Variants in GPHN observed in about 807,000 individuals in gnomAD.
The protein encoded by GPHN is gephyrin.
In GPHN, 17 loss-of-function variants were observed where a neutral mutation model predicts 95.5. The ratio of observed to expected loss-of-function variants is 0.18; its 90% confidence interval spans 0.12 to 0.27. The LOEUF (loss-of-function observed/expected upper bound fraction) is 0.27. Among genes scored for constraint, GPHN ranks in the 10% least tolerant of loss-of-function variants. The probability of loss-of-function intolerance (pLI) is 1.00; values close to 1 mark genes in which losing one functional copy is unlikely to be tolerated. For missense variants in GPHN, 660 were observed against 978.1 expected (o/e 0.67, Z 4.34); for synonymous variants, 320 against 322.5 (o/e 0.99, Z 0.08).
chr14:67,469,594 C>T, the GPHN span, among the ~76,000 whole-genome samples: 2 of 151,684 alleles, frequency 1.3e-5, no homozygotes, highest in Non-Finnish European at 2.9e-5. Context: ...CCTGACTGAG[C>T]AACTTCTGAA....
At chr14:67,340,512 A>G in the GPHN span, 1 of 1,590,502 alleles carries the variant, frequency 6.3e-7, no homozygotes, top group Non-Finnish European at 8.5e-7. Flanking sequence ...AATCCGGGGA[A>G]TGATGACTAG....
Position 66,745,984 on chromosome 14 carries a change from G to T in GPHN, c.144-30480G>T, listed in dbSNP as rs922235790. On this transcript the variant is annotated intron_variant, in intron 2 of 22. Coordinates refer to ENST00000478722, the MANE Select transcript of GPHN (RefSeq NM_020806.5). ...GCTTCTCTCAGAGTAGAGTCTCTGAGATATATCCAAGTTGTGTATGTCAAT... is the reference window on the plus strand; with the variant it reads ...GCTTCTCTCAGAGTAGAGTCTCTGATATATATCCAAGTTGTGTATGTCAAT... Among the ~76,000 whole-genome samples, 5 of 152,142 alleles carry T rather than the reference G, an allele frequency of 3.3e-5. No individual in the cohort carries two copies. In the East Asian group the frequency reaches 9.7e-4, roughly 29 times the overall value.
the GPHN span, among the ~76,000 whole-genome samples, chr14:67,300,336 C>CTTTT: frequency 2.1e-4 from 29 of 139,082 alleles, no homozygotes; most frequent in Admixed American, 1.9e-3. Context: ...TATGAATTAC[C>CTTTT]TTTTTTTTTT....
chr14:67,582,125 C>T, the GPHN span: 2 of 1,613,476 alleles, frequency 1.2e-6, no homozygotes, highest in Non-Finnish European at 8.5e-7. This position sits in a 1 kb window ranked among gnomAD's most constrained non-coding sequence, Gnocchi z 5.0. Flanking sequence ...CTGCTCCTTG[C>T]CTCTCAAACC....
the GPHN span, among the ~76,000 whole-genome samples, chr14:67,465,789 T>C: frequency 6.6e-6 from 1 of 152,208 alleles, no homozygotes; most frequent in East Asian, 1.9e-4. Context: ...TAATTAAGGA[T>C]CTTAAGATGA....
At chr14:67,627,557 A>G in the GPHN span, among the ~76,000 whole-genome samples, 1 of 152,150 alleles carries the variant, frequency 6.6e-6, no homozygotes, top group African/African-American at 2.4e-5. Context: ...GGTTGACTCA[A>G]CAGCAAATAT....
At chr14:67,547,128 TAG>T in the GPHN span, among the ~76,000 whole-genome samples, 1 of 152,128 alleles carries the variant, frequency 6.6e-6, no homozygotes, top group Non-Finnish European at 1.5e-5. Context: ...ATGGAAATGT[TAG>T]GGGTGCATAG....
chr14:67,208,199 A>G, the GPHN span: 5 of 1,612,384 alleles, frequency 3.1e-6, no homozygotes, highest in South Asian at 1.1e-5. Flanking sequence ...TTTATTTTTA[A>G]AGGAAAAATT....
chr14:67,371,254 A>G, the GPHN span, among the ~76,000 whole-genome samples: 1 of 151,924 alleles, frequency 6.6e-6, no homozygotes, highest in Non-Finnish European at 1.5e-5. Context: ...TCTCTATAAA[A>G]ATTTTAAAAA....
At chr14:67,641,764 A>G in the GPHN span, among the ~76,000 whole-genome samples, 1 of 152,076 alleles carries the variant, frequency 6.6e-6, no homozygotes, top group East Asian at 1.9e-4. Context: ...ACATAGCAAG[A>G]CCCCATTTCT....
At chr14:67,110,096 C>G (rs2078282167) in intron 13 of GPHN, 44 bp from the exon 14 acceptor site, 1 of 1,591,056 alleles carries the variant, frequency 6.3e-7, no homozygotes, top group African/African-American at 1.3e-5. Flanking sequence ...TTTTCCTTTG[C>G]AGCAGCAAAG....
At chr14:67,540,587 T>C in the GPHN span, among the ~76,000 whole-genome samples, 273 of 151,334 alleles carry the variant, frequency 1.8e-3, no homozygotes, top group African/African-American at 6.0e-3. Flanking sequence ...AATTGCACCA[T>C]TGTACTCCAG....
chr14:66,960,837 A>G (rs770522910), intron 8 of GPHN, among the ~76,000 whole-genome samples: 7 of 152,104 alleles, frequency 4.6e-5, no homozygotes, highest in Non-Finnish European at 1.0e-4. Flanking sequence ...CAAAGGATAC[A>G]TGGGAGCTTT....
chr14:66,694,947 C>G (rs553383086), intron 2 of GPHN, among the ~76,000 whole-genome samples: 34 of 152,294 alleles, frequency 2.2e-4, no homozygotes, highest in Admixed American at 7.8e-4. Context: ...CACTTAAGGT[C>G]AGGAGTTCAT....
intron 2 of GPHN, among the ~76,000 whole-genome samples, chr14:66,726,841 A>G (rs1187364027): frequency 6.6e-6 from 1 of 152,234 alleles, no homozygotes; most frequent in Non-Finnish European, 1.5e-5. Flanking sequence ...GTGAATTGCA[A>G]TCAAAACTTT....
chr14:67,053,192 A>G (rs63171061), intron 10 of GPHN, among the ~76,000 whole-genome samples: 15 of 142,440 alleles, frequency 1.1e-4, no homozygotes, highest in East Asian at 1.0e-3. Context: ...TTTTTTTTGG[A>G]AAAAAAAATT....
chr14:67,562,099 G>A, the GPHN span: 26 of 884,700 alleles, frequency 2.9e-5, no homozygotes, highest in Admixed American at 1.5e-4. Flanking sequence ...GCTGAGCTAC[G>A]GGAGCTCTCA....
At chr14:66,954,839 T>C (rs1472706109) in intron 8 of GPHN, among the ~76,000 whole-genome samples, 1 of 152,220 alleles carries the variant, frequency 6.6e-6, no homozygotes, top group Non-Finnish European at 1.5e-5. Flanking sequence ...TTGCATCAAA[T>C]GTTTGTTCTA....
At chr14:67,050,131 T>G (rs2075241318) in intron 10 of GPHN, among the ~76,000 whole-genome samples, 1 of 152,196 alleles carries the variant, frequency 6.6e-6, no homozygotes, top group Admixed American at 6.5e-5. Context: ...TATTCCACAA[T>G]GTATGCATAT....
Sources: allele counts gnomAD v4.1 joint callset (sites outside exome capture counted in the v4.1 genomes callset), GRCh38; gene constraint gnomAD v4.1.1; non-coding constraint Gnocchi (gnomAD v3.1); transcripts MANE v1.5; gene names NCBI Gene and HGNC (gene_info 2026-07-23, HGNC 2026-07-21).